Variants in NEGR1 observed in about 807,000 individuals in gnomAD.
NEGR1 encodes the protein IgLON family member 4.
In NEGR1, 10 loss-of-function variants were observed where a neutral mutation model predicts 40.9. The ratio of observed to expected loss-of-function variants is 0.24; its 90% CI spans 0.15 to 0.42. NEGR1 has a LOEUF of 0.42. NEGR1 is among the 10% of genes least tolerant of loss of function. NEGR1 has a pLI of 1.00. For missense variants in NEGR1, 352 were observed against 438.9 expected (o/e 0.80, Z 1.77); for synonymous variants, 185 against 166.8 (o/e 1.11, Z -0.84).
chr1:71,633,952 C>G (rs754432309), intron 4 of NEGR1, among the ~76,000 whole-genome samples: 2 of 151,994 alleles, frequency 1.3e-5, no homozygotes, highest in Non-Finnish European at 2.9e-5. Context: ...GGACCAAAAA[C>G]CTTGAGACTT....
At chr1:71,828,746 T>G (rs891479326) in intron 2 of NEGR1, among the ~76,000 whole-genome samples, 21 of 151,986 alleles carry the variant, frequency 1.4e-4, no homozygotes, top group Non-Finnish European at 1.2e-4. Flanking sequence ...CCTGCTGTCC[T>G]GCACTCCACA....
chr1:72,268,953 T>C (rs1655750527), intron 1 of NEGR1, among the ~76,000 whole-genome samples: 1 of 151,508 alleles, frequency 6.6e-6, no homozygotes, highest in Non-Finnish European at 1.5e-5. Context: ...GCTTTGGATA[T>C]GTAAAGCAGC....
At chr1:72,140,448 G>GC (rs1650630187) in intron 1 of NEGR1, among the ~76,000 whole-genome samples, 1 of 151,954 alleles carries the variant, frequency 6.6e-6, no homozygotes, top group Admixed American at 6.6e-5. Context: ...AAGAGGGCAA[G>GC]AAAGGGCAAG....
At chr1:72,205,124 CT>C in intron 1 of NEGR1, among the ~76,000 whole-genome samples, 1 of 151,952 alleles carries the variant, frequency 6.6e-6, no homozygotes, top group Non-Finnish European at 1.5e-5. Context: ...AAAAAATCAT[CT>C]TATTTCGGGA....
chr1:72,065,777 A>G (rs946893938), intron 1 of NEGR1, among the ~76,000 whole-genome samples: 1 of 152,146 alleles, frequency 6.6e-6, no homozygotes, highest in African/African-American at 2.4e-5. Context: ...TCAATGCTCT[A>G]AGAGCTTCAT....
chr1:72,079,449 AT>A (rs906924230), intron 1 of NEGR1, among the ~76,000 whole-genome samples: 2 of 152,144 alleles, frequency 1.3e-5, no homozygotes, highest in South Asian at 2.1e-4. Context: ...TTTTTCCTGA[AT>A]TTTTTAAAAA....
chr1:71,498,104 A>G (rs1298689705), intron 6 of NEGR1, among the ~76,000 whole-genome samples: 1 of 151,224 alleles, frequency 6.6e-6, no homozygotes, highest in Non-Finnish European at 1.5e-5. Flanking sequence ...AATAAAATAT[A>G]CAAACAAGAA....
chr1:71,880,662 G>A (rs578020944), intron 2 of NEGR1, among the ~76,000 whole-genome samples: 3 of 152,030 alleles, frequency 2.0e-5, no homozygotes, highest in East Asian at 1.9e-4. Flanking sequence ...GGCAAAATAC[G>A]AATTTGCAGC....
intron 1 of NEGR1, among the ~76,000 whole-genome samples, chr1:72,080,819 A>C (rs1458199610): frequency 1.3e-5 from 2 of 152,086 alleles, no homozygotes; most frequent in Non-Finnish European, 2.9e-5. Flanking sequence ...AAGCTAAATA[A>C]ATTGTATGTA....
At chr1:72,073,642 A>G (rs1025549388) in intron 1 of NEGR1, among the ~76,000 whole-genome samples, 1 of 152,096 alleles carries the variant, frequency 6.6e-6, no homozygotes, top group Non-Finnish European at 1.5e-5. Flanking sequence ...ACTTTCTTAA[A>G]CTATGTCAAT....
chr1:72,010,799 G>T (rs963030378), intron 1 of NEGR1, among the ~76,000 whole-genome samples: 2 of 152,094 alleles, frequency 1.3e-5, no homozygotes, highest in African/African-American at 2.4e-5. Flanking sequence ...ATGACTGGGT[G>T]GATGGAAGTG....
chr1:72,004,731 G>A (rs1203582185), intron 1 of NEGR1, among the ~76,000 whole-genome samples: 3 of 152,090 alleles, frequency 2.0e-5, no homozygotes, highest in Admixed American at 1.3e-4. Flanking sequence ...TATTATCTTC[G>A]TTTTTAACAT....
At chr1:72,109,556 C>T (rs1197340850) in intron 1 of NEGR1, among the ~76,000 whole-genome samples, 1 of 151,598 alleles carries the variant, frequency 6.6e-6, no homozygotes, top group Non-Finnish European at 1.5e-5. Flanking sequence ...TCCTGCAGAT[C>T]CTTTTCATAT....
intron 1 of NEGR1, among the ~76,000 whole-genome samples, chr1:72,183,125 C>G (rs918093731): frequency 1.3e-5 from 2 of 152,008 alleles, no homozygotes; most frequent in African/African-American, 4.8e-5. Flanking sequence ...GAGAAGTATG[C>G]TTATTAAAGC....
At chr1:71,818,848 TAGGAGC>T (rs1252438110) in intron 2 of NEGR1, among the ~76,000 whole-genome samples, 1 of 151,892 alleles carries the variant, frequency 6.6e-6, no homozygotes, top group Non-Finnish European at 1.5e-5. Flanking sequence ...ACGACATCCA[TAGGAGC>T]AAAACAAAAA....
intron 3 of NEGR1, among the ~76,000 whole-genome samples, chr1:71,700,578 A>G (rs1241560578): frequency 2.6e-5 from 4 of 152,026 alleles, no homozygotes; most frequent in Admixed American, 6.6e-5. Flanking sequence ...TGTCAATTTA[A>G]TATCTGAAAA....
intron 1 of NEGR1, among the ~76,000 whole-genome samples, chr1:72,045,314 T>C (rs1403561962): frequency 6.6e-6 from 1 of 151,760 alleles, no homozygotes; most frequent in Non-Finnish European, 1.5e-5. Context: ...AACAAACAAG[T>C]TAGATAGGTC....
At chr1:71,989,131 G>A (rs1373974441) in intron 1 of NEGR1, among the ~76,000 whole-genome samples, 2 of 152,120 alleles carry the variant, frequency 1.3e-5, no homozygotes, top group Middle Eastern at 3.4e-3. Flanking sequence ...AAAAGAGAAG[G>A]GAAAGTGGAA....
chr1:71,824,477 T>C lies in NEGR1; in HGVS notation c.410-48180A>G. ...TTACCCATTATATTGAGCCTCACTT[T>C]TCTCTTTTGCAAATGGAGAAAGGAG... is the stretch of plus-strand genomic sequence containing the variant. On this transcript the variant is annotated intron_variant, in intron 2 of 6. Coordinates refer to ENST00000357731, the MANE Select transcript of NEGR1 (RefSeq NM_173808.3). Among the ~76,000 whole-genome samples, 2 of 151,950 alleles carry C rather than the reference T, an allele frequency of 1.3e-5. 1 individual carries two copies. Among genetic ancestry groups the C allele is most frequent in the East Asian group, 3.9e-4 (2 of 5,148 alleles).
Sources: allele counts gnomAD v4.1 joint callset (sites outside exome capture counted in the v4.1 genomes callset), GRCh38; gene constraint gnomAD v4.1.1; transcripts MANE v1.5; gene names NCBI Gene and HGNC (gene_info 2026-07-23, HGNC 2026-07-21).